Variants in MYO3B observed in about 807,000 individuals in gnomAD.
The protein encoded by MYO3B is myosin IIIB, also known as myosin-IIIb.
A neutral mutation model predicts 174.6 loss-of-function variants in MYO3B; 156 were observed. That is an observed-to-expected ratio of 0.89 (90% CI 0.78 to 1.02). The LOEUF is 1.02. MYO3B is among the 50% of genes least tolerant of loss of function. The probability of loss-of-function intolerance (pLI) is 0.00; values close to 1 mark genes in which losing one functional copy is unlikely to be tolerated. For missense variants in MYO3B, 1,632 were observed against 1,639.4 expected (o/e 1.00, Z 0.08); for synonymous variants, 563 against 569.1 (o/e 0.99, Z 0.15).
intron 32 of MYO3B, among the ~76,000 whole-genome samples, chr2:170,572,457 A>C (rs1271517797): frequency 6.6e-6 from 1 of 151,738 alleles, no homozygotes; most frequent in Non-Finnish European, 1.5e-5. Context: ...TCTACAAAAA[A>C]TACAAAAATT....
intron 22 of MYO3B, chr2:170,412,168 A>G (rs1478293326): frequency 6.6e-6 from 1 of 152,196 alleles, no homozygotes; most frequent in African/African-American, 2.4e-5. Context: ...TTCAAGGCAT[A>G]TTTTCCTGTT....
chr2:170,543,761 A>G (rs1253622307), intron 31 of MYO3B, 131 bp from the exon 32 acceptor site: 2 of 561,416 alleles, frequency 3.6e-6, no homozygotes, highest in African/African-American at 3.8e-5. Flanking sequence ...CAACTTACAA[A>G]TGATTCCAGT....
chr2:170,331,048 T>C (rs2093908528), intron 7 of MYO3B, among the ~76,000 whole-genome samples: 1 of 152,078 alleles, frequency 6.6e-6, no homozygotes, highest in African/African-American at 2.4e-5. Context: ...GCCTGCCAGG[T>C]GGACAAATTA....
rs772935940 is a variant in MYO3B, at chr2:170,394,050, G to A, written c.1791+1555G>A. 2.6e-4 allele frequency among the ~76,000 whole-genome samples: 40 copies of A among 152,116 alleles called. 1 individual carries two copies. The highest frequency in any genetic ancestry group is 7.4e-5 in the Non-Finnish European group (5 of 68,018). On this transcript the variant is annotated intron_variant, in intron 16 of 34. Coordinates refer to ENST00000408978, the MANE Select transcript of MYO3B (RefSeq NM_138995.5). Reference sequence around the variant, plus strand: ...TACGCAGGGGCACATGTCCTTAAAAGGGTACAGGAACCATAGAGAAGTCAA... The same window carrying A: ...TACGCAGGGGCACATGTCCTTAAAAAGGTACAGGAACCATAGAGAAGTCAA...
intron 28 of MYO3B, among the ~76,000 whole-genome samples, chr2:170,512,522 C>A (rs1316356591): frequency 6.6e-6 from 1 of 152,134 alleles, no homozygotes. Context: ...AGGGCAGGAA[C>A]GTTTACCCAG....
At position 170,646,775 on chromosome 2, in the gene MYO3B, T is replaced by A. The variant is rs1262317691; in HGVS notation, c.3734-4853T>A. 6 of 438,218 alleles carry A rather than the reference T, an allele frequency of 1.4e-5. No individual in the cohort carries two copies. The East Asian group carries it at 4.6e-4, about 34-fold the overall frequency. 27.1% of individuals were successfully genotyped at this position (438,218 alleles called of 1,614,324 possible). On this transcript the variant is annotated intron_variant, in intron 32 of 34. Coordinates refer to ENST00000408978, the MANE Select transcript of MYO3B (RefSeq NM_138995.5). ...CTGTTTCTCTGGGGCCCCTCCCACA[T>A]TGTCTTTTAACCTTATGGTGTATGA...
chr2:170,289,268 A>C (rs1250295197), intron 7 of MYO3B, among the ~76,000 whole-genome samples: 2 of 152,084 alleles, frequency 1.3e-5, no homozygotes, highest in Non-Finnish European at 2.9e-5. Flanking sequence ...TTTTGAAGAC[A>C]AAGAATTTGA....
chr2:170,633,658 T>C (rs780761002), intron 32 of MYO3B, among the ~76,000 whole-genome samples: 5 of 152,124 alleles, frequency 3.3e-5, no homozygotes, highest in Non-Finnish European at 7.3e-5. Context: ...CGGTATTCAG[T>C]TAGGAAAAAA....
chr2:170,560,157 A>G (rs1001009233), intron 32 of MYO3B, among the ~76,000 whole-genome samples: 1 of 152,156 alleles, frequency 6.6e-6, no homozygotes, highest in Non-Finnish European at 1.5e-5. Context: ...TTCCACTCAA[A>G]TTATCAAGTC....
At chr2:170,452,185 AC>A (rs559067806) in intron 23 of MYO3B, among the ~76,000 whole-genome samples, 90 of 151,624 alleles carry the variant, frequency 5.9e-4, no homozygotes, top group African/African-American at 2.1e-3. Context: ...AATTTCTGAT[AC>A]CCCCAAAAGT....
At chr2:170,234,375 G>C (rs1287598188) in intron 6 of MYO3B, among the ~76,000 whole-genome samples, 3 of 152,100 alleles carry the variant, frequency 2.0e-5, no homozygotes, top group African/African-American at 7.2e-5. Context: ...TCCTCACATG[G>C]CAGAAGGCAG....
chr2:170,278,923 A>T (rs1409575794), intron 7 of MYO3B, among the ~76,000 whole-genome samples: 3 of 152,176 alleles, frequency 2.0e-5, no homozygotes, highest in African/African-American at 7.2e-5. Context: ...AATGACCTTC[A>T]GTTACATCCT....
At chr2:170,471,417 GT>G (rs1197873320) in intron 25 of MYO3B, among the ~76,000 whole-genome samples, 2 of 152,088 alleles carry the variant, frequency 1.3e-5, no homozygotes, top group Non-Finnish European at 2.9e-5. Context: ...TTCAATTTAT[GT>G]ATGTTTTCTT....
At chr2:170,466,827 T>A in intron 25 of MYO3B, 116 bp downstream of exon 25, 2 of 1,018,572 alleles carry the variant, frequency 2.0e-6, no homozygotes, top group Non-Finnish European at 2.8e-6. Flanking sequence ...ATTGGCTAGT[T>A]GCCAGCTACC....
At chr2:170,317,647 G>T (rs2105485479) in intron 7 of MYO3B, among the ~76,000 whole-genome samples, 1 of 152,294 alleles carries the variant, frequency 6.6e-6, no homozygotes, top group Non-Finnish European at 1.5e-5. Flanking sequence ...ACCGGAGGTT[G>T]CTAAGAGGAG....
chr2:170,593,875 T>G (rs1575215307), intron 32 of MYO3B, among the ~76,000 whole-genome samples: 2 of 152,276 alleles, frequency 1.3e-5, no homozygotes, highest in East Asian at 3.9e-4. Context: ...CATCCAAACA[T>G]TTTTCCTAGA....
At position 170,626,619 on chromosome 2, in the gene MYO3B, G is replaced by A. The variant is rs982186520; in HGVS notation, c.3734-25009G>A. ...TGTTAGCTGGCTATTTTGCTCATTAGTTGATGCAGTTTCTTCCGAGGATAG... is the reference window on the plus strand; with the variant it reads ...TGTTAGCTGGCTATTTTGCTCATTAATTGATGCAGTTTCTTCCGAGGATAG... On this transcript the variant is annotated intron_variant, in intron 32 of 34. Transcript: ENST00000408978. Among the ~76,000 whole-genome samples the A allele has an allele frequency of 3.9e-5, 6 of 152,156 alleles. No individual in the cohort carries two copies. The South Asian group carries it at 1.2e-3, about 32-fold the overall frequency.
rs999375786 is a variant in MYO3B at position 170,494,655 on chromosome 2, G to T, written c.3015-3937G>T. Among the ~76,000 whole-genome samples the T allele has an allele frequency of 4.7e-5, 7 of 148,850 alleles. No individual in the cohort carries two copies. In the Admixed American group the frequency reaches 4.7e-4, roughly 10 times the overall value. ...AGGCACGAGAATTACTTGAACCTGG[G>T]AGGCAGAGGTTGCAGAGACCCCAGA... is the stretch of plus-strand genomic sequence containing the variant. On this transcript the variant is annotated intron_variant, in intron 25 of 34. Coordinates refer to ENST00000408978, the MANE Select transcript of MYO3B (RefSeq NM_138995.5).
chr2:170,540,580 A>G (rs955493752), intron 30 of MYO3B, among the ~76,000 whole-genome samples: 12 of 151,806 alleles, frequency 7.9e-5, no homozygotes, highest in African/African-American at 2.9e-4. Flanking sequence ...GCTTTTTGTT[A>G]TTATTGTGCT....
Sources: allele counts gnomAD v4.1 joint callset (sites outside exome capture counted in the v4.1 genomes callset), GRCh38; gene constraint gnomAD v4.1.1; transcripts MANE v1.5; gene names NCBI Gene and HGNC (gene_info 2026-07-23, HGNC 2026-07-21).